The following FGD5 variants were observed in gnomAD, a reference collection of about 807,000 sequenced individuals.
FGD5 encodes the protein FYVE, RhoGEF and PH domain-containing protein 5.
In FGD5, 28 loss-of-function variants were observed where a neutral mutation model predicts 133.4. That is an observed-to-expected ratio of 0.21 (90% CI 0.16 to 0.29). The LOEUF (loss-of-function observed/expected upper bound fraction) is 0.29. Ranked by LOEUF, FGD5 falls within the 10% of genes least tolerant of loss-of-function variation. FGD5 has a pLI of 1.00. For missense variants in FGD5, 1,858 were observed against 1,895.2 expected (o/e 0.98, Z 0.36); for synonymous variants, 810 against 776.5 (o/e 1.04, Z -0.72).
chr3:14,923,426 G>T, intron 16 of FGD5: 1 of 521,308 alleles, frequency 1.9e-6, no homozygotes, highest in Non-Finnish European at 3.4e-6. Context: ...GTGTGTAAGG[G>T]GACAGAGGCA....
chr3:14,923,120 C>T lies in FGD5; in HGVS notation c.3882C>T (p.Asp1294=), dbSNP rs771030955. 7 of 1,613,724 alleles carry T rather than the reference C, an allele frequency of 4.3e-6. No homozygotes were observed. The highest frequency in any genetic ancestry group is 3.3e-5 in the South Asian group (3 of 91,068). Residue 1294 remains aspartate, a synonymous_variant, in exon 16 of 20, where the codon GAC becomes GAT. Transcript: ENST00000285046. ...AGGACAGGATGGCCAAGGTCTGCGACGGCTGCTTCGGGGAGCTGAAGAAGC... is the reference window on the plus strand; with the variant it reads ...AGGACAGGATGGCCAAGGTCTGCGATGGCTGCTTCGGGGAGCTGAAGAAGC... The part of the protein sequence containing the change: ...YLKDRMAKVC[D]GCFGELKKRG...
intron 1 of FGD5, among the ~76,000 whole-genome samples, chr3:14,839,154 G>C (rs143814440): frequency 3.9e-5 from 6 of 152,248 alleles, no homozygotes; most frequent in African/African-American, 1.4e-4. Flanking sequence ...ACACTAGGAA[G>C]TGGGAAATGC....
At position 14,906,386 on chromosome 3, in the gene FGD5, C is replaced by T. The variant is rs753708994; in HGVS notation, c.3265-1254C>T. ...AGGTATTGGTGCACAGTACTGGGTC[C>T]AAGGGGTTATCGCCCCCGTCCTAGG... On this transcript the variant is annotated intron_variant, in intron 9 of 19. Coordinates refer to ENST00000285046, the MANE Select transcript of FGD5 (RefSeq NM_152536.4). 2.8e-4 allele frequency among the ~76,000 whole-genome samples: 42 copies of T among 152,226 alleles called. 1 individual carries two copies. Among genetic ancestry groups the T allele is most frequent in the Non-Finnish European group, 6.2e-4 (42 of 68,044 alleles).
At chr3:14,896,471 CTT>C (rs201631646) in intron 4 of FGD5, among the ~76,000 whole-genome samples, 6 of 148,436 alleles carry the variant, frequency 4.0e-5, no homozygotes, top group Admixed American at 6.7e-5. Flanking sequence ...CCAGATGTAA[CTT>C]TTTTTTTTTT....
chr3:14,924,197 C>T, intron 17 of FGD5, 59 bp downstream of exon 17: 1 of 1,611,790 alleles, frequency 6.2e-7, no homozygotes, highest in South Asian at 1.1e-5. Flanking sequence ...TCATGGTCAT[C>T]CTGGGTAGAC....
chr3:14,880,904 G>C (rs556022554), intron 4 of FGD5, 132 bp downstream of exon 4: 1 of 1,200,818 alleles, frequency 8.3e-7, no homozygotes, highest in South Asian at 1.3e-5. Flanking sequence ...GGCACTCACC[G>C]ACGCTTTTCA....
chr3:14,886,626 T>C (rs991624536), intron 4 of FGD5, among the ~76,000 whole-genome samples: 1 of 152,238 alleles, frequency 6.6e-6, no homozygotes, highest in Admixed American at 6.5e-5. Context: ...TTCCCTCCTC[T>C]GCACTCCCTC....
At chr3:14,924,505 C>T (rs182485374) in intron 17 of FGD5, among the ~76,000 whole-genome samples, 8 of 152,156 alleles carry the variant, frequency 5.3e-5, no homozygotes, top group Non-Finnish European at 8.8e-5. Flanking sequence ...GGTCCCAACC[C>T]GGCTCAGGTG....
chr3:14,826,356 T>C (rs2036598316), intron 1 of FGD5, among the ~76,000 whole-genome samples: 1 of 152,138 alleles, frequency 6.6e-6, no homozygotes, highest in African/African-American at 2.4e-5. Context: ...TAGTGCATGT[T>C]GTTCTTGACA....
At chr3:14,858,211 C>T (rs1209864624) in intron 1 of FGD5, among the ~76,000 whole-genome samples, 1 of 152,100 alleles carries the variant, frequency 6.6e-6, no homozygotes, top group Non-Finnish European at 1.5e-5. Context: ...TGTGTTAGCT[C>T]CATGAAGTAG....
chr3:14,908,773 G>A (rs887762449), intron 10 of FGD5, among the ~76,000 whole-genome samples: 30 of 151,230 alleles, frequency 2.0e-4, no homozygotes, highest in Admixed American at 1.3e-4. Flanking sequence ...CCAGCTACTC[G>A]GGAGGCTGAG....
At chr3:14,853,477 G>A (rs1281667970) in intron 1 of FGD5, among the ~76,000 whole-genome samples, 1 of 150,252 alleles carries the variant, frequency 6.7e-6, no homozygotes, top group Non-Finnish European at 1.5e-5. Flanking sequence ...TCCCCTCCCT[G>A]CTGGGCTGGT....
intron 4 of FGD5, among the ~76,000 whole-genome samples, chr3:14,895,891 A>G (rs1216930393): frequency 1.3e-5 from 2 of 152,162 alleles, no homozygotes; most frequent in Non-Finnish European, 2.9e-5. Context: ...AAAGCTGAAG[A>G]CGCCACCAAG....
chr3:14,932,529 A>G (rs777267496), intron 18 of FGD5, 48 bp from the exon 19 acceptor site: 4 of 1,587,122 alleles, frequency 2.5e-6, no homozygotes, highest in Non-Finnish European at 3.4e-6. Context: ...GTAAATGACT[A>G]TGCAGAGTGT....
At chr3:14,915,600 G>C (rs921113431) in intron 11 of FGD5, among the ~76,000 whole-genome samples, 1 of 152,144 alleles carries the variant, frequency 6.6e-6, no homozygotes, top group African/African-American at 2.4e-5. Context: ...CATGTGTTTA[G>C]GGCTCATCCT....
chr3:14,880,732 C>T lies in FGD5; in HGVS notation c.2718-10C>T. The T allele has an allele frequency of 1.2e-6, 2 of 1,614,048 alleles. No individual in the cohort carries two copies. The highest frequency in any genetic ancestry group is 8.5e-7 in the Non-Finnish European group (1 of 1,179,890). Reference sequence around the variant, plus strand: ...GATTAATGCAGCCTCAACCCTCTTTCCCTCTGCAGATACGTGGAGATGCTC... The same window carrying T: ...GATTAATGCAGCCTCAACCCTCTTTTCCTCTGCAGATACGTGGAGATGCTC... On this transcript the variant is annotated splice_polypyrimidine_tract_variant and intron_variant, in intron 3 of 19. Coordinates refer to ENST00000285046, the MANE Select transcript of FGD5 (RefSeq NM_152536.4).
intron 2 of FGD5, among the ~76,000 whole-genome samples, chr3:14,879,229 T>C (rs1420398135): frequency 6.6e-6 from 1 of 152,224 alleles, no homozygotes; most frequent in Non-Finnish European, 1.5e-5. Context: ...AGGCAGGTGT[T>C]CCCAGCTGAG....
chr3:14,851,843 AG>A (rs1295004767), intron 1 of FGD5, among the ~76,000 whole-genome samples: 1 of 151,894 alleles, frequency 6.6e-6, no homozygotes, highest in Non-Finnish European at 1.5e-5. Context: ...GGTTGGGAGG[AG>A]GCTGAGATGG....
At chr3:14,811,392 A>G (rs1294381894) in intron 1 of FGD5, 1 of 152,018 alleles carries the variant, frequency 6.6e-6, no homozygotes, top group Non-Finnish European at 1.5e-5. Context: ...CTCTCCTCCT[A>G]GACCCCGAGG....
Sources: allele counts gnomAD v4.1 joint callset (sites outside exome capture counted in the v4.1 genomes callset), GRCh38; gene constraint gnomAD v4.1.1; transcripts MANE v1.5; gene names NCBI Gene and HGNC (gene_info 2026-07-23, HGNC 2026-07-21).